Variants in HYDIN observed in about 807,000 individuals in gnomAD.
The protein encoded by HYDIN is HYDIN axonemal central pair apparatus protein.
HYDIN carries 132 observed loss-of-function variants against 403.9 expected under a neutral mutation model. That is an observed-to-expected ratio of 0.33 (90% CI 0.28 to 0.38). HYDIN has a LOEUF of 0.38. Ranked by LOEUF, HYDIN falls within the 10% of genes least tolerant of loss-of-function variation. The probability of loss-of-function intolerance (pLI) is 1.00; values close to 1 mark genes in which losing one functional copy is unlikely to be tolerated. For synonymous variants in HYDIN, 1,202 were observed against 1,891.7 expected (o/e 0.64, Z 9.46); for missense variants, 2,827 against 5,009.5 (o/e 0.56, Z 13.15).
intron 23 of HYDIN, among the ~76,000 whole-genome samples, chr16:70,996,694 TGG>T (rs1299554958): frequency 1.8e-4 from 27 of 151,686 alleles, no homozygotes; most frequent in African/African-American, 6.5e-4. Flanking sequence ...TAACTCTTCT[TGG>T]ATGCATACAG....
Position 70,907,241 on chromosome 16 carries a change from T to C in HYDIN, c.8516+131A>G, listed in dbSNP as rs753516449. ...TTGGGACACAAGAACCCAGTTCTCC[T>C]GATTTGTGGTTGGGGCTAAGAGAGG... On this transcript the variant is annotated intron_variant, in intron 50 of 85. Coordinates refer to ENST00000393567, the MANE Select transcript of HYDIN (RefSeq NM_001270974.2). 6.3e-4 allele frequency: 361 copies of C among 572,956 alleles called. 3 individuals carry two copies. Among genetic ancestry groups the C allele is most frequent in the Non-Finnish European group, 9.5e-4 (302 of 319,088 alleles). The allele number at this position is 572,956 out of a possible 1,614,324, so 35.5% of individuals were successfully genotyped here.
At chr16:71,190,966 AAG>A (rs2087406218) in intron 1 of HYDIN, among the ~76,000 whole-genome samples, 1 of 152,164 alleles carries the variant, frequency 6.6e-6, no homozygotes, top group East Asian at 1.9e-4. Flanking sequence ...CATAGCATGA[AAG>A]AGAGAGGAGC....
chr16:70,855,736 T>C (rs367889035), intron 72 of HYDIN, among the ~76,000 whole-genome samples: 261 of 151,880 alleles, frequency 1.7e-3, no homozygotes, highest in African/African-American at 6.1e-3. Context: ...TCTCTCACTA[T>C]CATCTTACGC....
chr16:71,000,801 G>A (rs1191346495), intron 23 of HYDIN, among the ~76,000 whole-genome samples: 1 of 152,122 alleles, frequency 6.6e-6, no homozygotes. Context: ...GGCTATAGGA[G>A]GCCTGGATGA....
chr16:70,824,177 A>G (rs1038489831), intron 83 of HYDIN, among the ~76,000 whole-genome samples: 2 of 147,884 alleles, frequency 1.4e-5, no homozygotes. Context: ...TTCAATATGT[A>G]TTACTGTAAG....
intron 23 of HYDIN, among the ~76,000 whole-genome samples, chr16:71,002,279 C>A (rs986018318): frequency 4.6e-5 from 7 of 152,192 alleles, no homozygotes; most frequent in African/African-American, 1.7e-4. Context: ...GGCAAGGTGG[C>A]TGACACCTGT....
intron 13 of HYDIN, among the ~76,000 whole-genome samples, chr16:71,076,245 A>G (rs1045155646): frequency 2.0e-5 from 3 of 151,166 alleles, no homozygotes; most frequent in East Asian, 2.0e-4. Flanking sequence ...TTAACCCAAC[A>G]TGTCAGAAAT....
chr16:71,172,877 C>T (rs1337330321), intron 5 of HYDIN, among the ~76,000 whole-genome samples: 1 of 152,194 alleles, frequency 6.6e-6, no homozygotes, highest in Non-Finnish European at 1.5e-5. Context: ...AACAGTGACA[C>T]TTGGTGAAAT....
At chr16:70,932,057 A>T (rs2077357708) in intron 45 of HYDIN, among the ~76,000 whole-genome samples, 1 of 144,842 alleles carries the variant, frequency 6.9e-6, no homozygotes, top group Non-Finnish European at 1.5e-5. Context: ...TCCACAAAAT[A>T]AAAAAAAAAG....
intron 18 of HYDIN, among the ~76,000 whole-genome samples, chr16:71,039,788 G>A (rs2081223001): frequency 6.6e-6 from 1 of 152,158 alleles, no homozygotes; most frequent in African/African-American, 2.4e-5. Flanking sequence ...TTGTTCATGT[G>A]ACCTCATTTT....
At chr16:71,198,407 C>T (rs1440503109) in intron 1 of HYDIN, among the ~76,000 whole-genome samples, 1 of 152,102 alleles carries the variant, frequency 6.6e-6, no homozygotes, top group African/African-American at 2.4e-5. Context: ...AGAGTATGTG[C>T]AGGATAGGCT....
rs558416211 is a variant in HYDIN, at chr16:71,098,092, C to T, written c.1328-4157G>A. On this transcript the variant is annotated intron_variant, in intron 10 of 85. Coordinates refer to ENST00000393567, the MANE Select transcript of HYDIN (RefSeq NM_001270974.2). ...GAAGCAAAGGCCATACTTAGGATGA[C>T]TGATTTATTCAAAGGGTTCCCCTGC... 1.3e-3 allele frequency among the ~76,000 whole-genome samples: 201 copies of T among 152,040 alleles called. 1 individual carries two copies. Among genetic ancestry groups the T allele is most frequent in the African/African-American group, 4.6e-3 (189 of 41,478 alleles).
chr16:71,138,949 T>C (rs1291822434), intron 7 of HYDIN, among the ~76,000 whole-genome samples: 2 of 151,994 alleles, frequency 1.3e-5, no homozygotes, highest in African/African-American at 4.8e-5. Flanking sequence ...CTGGGCATGG[T>C]GGCGCATGCC....
chr16:71,178,394 G>A (rs1214570267), intron 4 of HYDIN, among the ~76,000 whole-genome samples: 1 of 142,188 alleles, frequency 7.0e-6, no homozygotes, highest in African/African-American at 2.6e-5. Context: ...ACTCCAGCCT[G>A]GGAAACAAGA....
chr16:70,893,254 T>C lies in HYDIN; in HGVS notation c.9249-725A>G, dbSNP rs1294721073. Among the ~76,000 whole-genome samples, 9 of 152,258 alleles carry C rather than the reference T, an allele frequency of 5.9e-5. No individual in the cohort carries two copies. The South Asian group carries it at 1.5e-3, about 25-fold the overall frequency. ...TCCATGCAACCTCAAAGAGCACAGC[T>C]AATGCCCCTGTCTTAATCTAAAAGA... On this transcript the variant is annotated intron_variant, in intron 55 of 85. Transcript: ENST00000393567.
chr16:71,017,491 T>A (rs1409676851), intron 23 of HYDIN, among the ~76,000 whole-genome samples: 2 of 152,210 alleles, frequency 1.3e-5, no homozygotes, highest in Non-Finnish European at 2.9e-5. Context: ...TATGTAGAAC[T>A]GTGAGTCAAT....
chr16:70,914,135 T>A (rs2076771261), intron 47 of HYDIN, among the ~76,000 whole-genome samples: 1 of 152,266 alleles, frequency 6.6e-6, no homozygotes, highest in Non-Finnish European at 1.5e-5. Flanking sequence ...AGTATTGAGA[T>A]GTGAGGTACC....
intron 84 of HYDIN, chr16:70,817,209 G>A (rs185667023): frequency 5.6e-4 from 85 of 151,928 alleles, no homozygotes; most frequent in African/African-American, 1.9e-3. Context: ...TAAAAAACCC[G>A]ACAATACCAA....
At chr16:71,106,325 T>C (rs1396534028) in intron 10 of HYDIN, among the ~76,000 whole-genome samples, 2 of 152,152 alleles carry the variant, frequency 1.3e-5, no homozygotes, top group Non-Finnish European at 2.9e-5. Context: ...CCTTTGTTTA[T>C]GTTTTTACGT....
Sources: gnomAD v4.1 joint callset for allele counts (sites outside exome capture counted in the v4.1 genomes callset) on GRCh38, gnomAD v4.1.1 for gene constraint, MANE v1.5 for transcripts, NCBI Gene and HGNC (gene_info 2026-07-23, HGNC 2026-07-21) for gene names.